TMEFF2: variants seen among roughly 807,000 people sequenced by gnomAD.
TMEFF2 encodes the protein transmembrane protein with EGF like and two follistatin like domains 2.
Under a neutral mutation model 53.8 loss-of-function variants are expected in TMEFF2, and 28 were observed. That is an observed-to-expected ratio of 0.52 (90% CI 0.39 to 0.71). The LOEUF (loss-of-function observed/expected upper bound fraction) is 0.71. Among genes scored for constraint, TMEFF2 ranks in the 30% least tolerant of loss-of-function variants. The pLI is 0.00. For synonymous variants in TMEFF2, 162 were observed against 166.3 expected (o/e 0.97, Z 0.20); for missense variants, 353 against 455.2 (o/e 0.78, Z 2.04).
intron 4 of TMEFF2, among the ~76,000 whole-genome samples, chr2:192,068,141 C>T (rs1574343612): frequency 6.6e-6 from 1 of 151,890 alleles, no homozygotes; most frequent in South Asian, 2.1e-4. Flanking sequence ...CTGCCCTGCT[C>T]AGCTCACAGG....
intron 7 of TMEFF2, among the ~76,000 whole-genome samples, chr2:191,977,384 G>C (rs1157106096): frequency 6.6e-6 from 1 of 152,232 alleles, no homozygotes; most frequent in Non-Finnish European, 1.5e-5. Context: ...TGCCAGGCTT[G>C]TTTTAGCCTC....
At chr2:192,117,297 A>G (rs568482178) in intron 4 of TMEFF2, among the ~76,000 whole-genome samples, 1 of 152,310 alleles carries the variant, frequency 6.6e-6, no homozygotes, top group Non-Finnish European at 1.5e-5. Context: ...AATGATAAGT[A>G]GACTTAAAAT....
intron 4 of TMEFF2, among the ~76,000 whole-genome samples, chr2:192,156,263 C>CA (rs1690504619): frequency 2.6e-5 from 4 of 152,020 alleles, no homozygotes; most frequent in Admixed American, 2.6e-4. Context: ...CAACAGGTAA[C>CA]ATTTCATGAA....
chr2:192,175,275 T>G (rs188730326), intron 4 of TMEFF2, among the ~76,000 whole-genome samples: 226 of 151,800 alleles, frequency 1.5e-3, no homozygotes, highest in African/African-American at 5.1e-3. Context: ...CTTAAAATAT[T>G]TTTGCCAGTT....
At chr2:192,105,312 T>C (rs994048143) in intron 4 of TMEFF2, among the ~76,000 whole-genome samples, 1 of 151,892 alleles carries the variant, frequency 6.6e-6, no homozygotes, top group African/African-American at 2.4e-5. Flanking sequence ...CTACAATAAA[T>C]AAAACCACCT....
rs1274920112 is a variant in TMEFF2 at position 191,963,129 on chromosome 2, G to A, written c.746-6751C>T. Among the ~76,000 whole-genome samples, 4 of 152,126 alleles carry A rather than the reference G, an allele frequency of 2.6e-5. 1 individual carries two copies. Among genetic ancestry groups the A allele is most frequent in the African/African-American group, 9.7e-5 (4 of 41,424 alleles). ...AGCTGGAGTTGCCTTAAGCTTATCT[G>A]GGGCAATTTGTTGCAGCTCTCCCCA... On this transcript the variant is annotated intron_variant, in intron 7 of 9. Coordinates refer to ENST00000272771, the MANE Select transcript of TMEFF2 (RefSeq NM_016192.4).
intron 4 of TMEFF2, chr2:192,179,024 C>T (rs1005047605): frequency 6.2e-5 from 5 of 80,658 alleles, no homozygotes; most frequent in African/African-American, 1.8e-4. Flanking sequence ...TTAGATCAAA[C>T]TTTTAAAGTT....
intron 5 of TMEFF2, among the ~76,000 whole-genome samples, chr2:192,001,413 T>G (rs983086581): frequency 1.6e-4 from 24 of 152,130 alleles, no homozygotes; most frequent in African/African-American, 5.3e-4. Flanking sequence ...ATTATATATA[T>G]ATACAGTGTA....
chr2:192,047,042 T>C (rs1687640475), intron 5 of TMEFF2, among the ~76,000 whole-genome samples: 1 of 152,088 alleles, frequency 6.6e-6, no homozygotes, highest in African/African-American at 2.4e-5. Flanking sequence ...TGCTTTAGCC[T>C]CCCAAGTAGC....
At chr2:192,059,871 G>A (rs889243919) in intron 4 of TMEFF2, among the ~76,000 whole-genome samples, 2 of 152,124 alleles carry the variant, frequency 1.3e-5, no homozygotes, top group Non-Finnish European at 2.9e-5. Flanking sequence ...TTTCTATGAA[G>A]TCACCCACAA....
chr2:192,096,728 G>C (rs1456663583), intron 4 of TMEFF2, among the ~76,000 whole-genome samples: 1 of 123,264 alleles, frequency 8.1e-6, no homozygotes. Flanking sequence ...CCAGGCTGGA[G>C]TGCAGTGGTA....
intron 4 of TMEFF2, among the ~76,000 whole-genome samples, chr2:192,072,098 C>T (rs1669250660): frequency 6.6e-6 from 1 of 151,774 alleles, no homozygotes; most frequent in Non-Finnish European, 1.5e-5. Context: ...TAGCCTTATA[C>T]GAGAGGTGAG....
intron 4 of TMEFF2, among the ~76,000 whole-genome samples, chr2:192,115,212 A>T (rs572915353): frequency 6.6e-6 from 1 of 152,208 alleles, no homozygotes; most frequent in Non-Finnish European, 1.5e-5. Context: ...TAATCAAAAC[A>T]ACATGGTAGT....
chr2:192,061,119 T>C (rs994516287), intron 4 of TMEFF2, among the ~76,000 whole-genome samples: 4 of 152,208 alleles, frequency 2.6e-5, no homozygotes, highest in African/African-American at 9.6e-5. Flanking sequence ...TACATGATGA[T>C]GTGCCTGCTG....
At chr2:192,123,272 T>G (rs950321337) in intron 4 of TMEFF2, among the ~76,000 whole-genome samples, 4 of 152,184 alleles carry the variant, frequency 2.6e-5, no homozygotes, top group African/African-American at 9.6e-5. Context: ...AGTTATCTTG[T>G]GCTGTACTTC....
intron 4 of TMEFF2, among the ~76,000 whole-genome samples, chr2:192,061,951 G>A (rs908572457): frequency 6.6e-6 from 1 of 152,140 alleles, no homozygotes; most frequent in African/African-American, 2.4e-5. Context: ...GGAAGCAGAT[G>A]CCGGCACCAT....
chr2:192,081,865 G>C (rs150306611), intron 4 of TMEFF2, among the ~76,000 whole-genome samples: 4 of 147,982 alleles, frequency 2.7e-5, no homozygotes, highest in Non-Finnish European at 5.9e-5. Flanking sequence ...GCAGTGGCGC[G>C]ATCTCGGCTC....
chr2:192,091,664 G>A (rs771213634), intron 4 of TMEFF2, among the ~76,000 whole-genome samples: 2 of 151,532 alleles, frequency 1.3e-5, no homozygotes, highest in Non-Finnish European at 2.9e-5. Context: ...GTTTTATTAC[G>A]TCACTTTATG....
In TMEFF2 at chr2:191,984,982, T is replaced by G. The variant is rs552476853; in HGVS notation, c.745+13280A>C. Among the ~76,000 whole-genome samples the G allele has an allele frequency of 1.7e-4, 26 of 152,234 alleles. 1 individual carries two copies. In the South Asian group the frequency reaches 4.6e-3, roughly 27 times the overall value. On this transcript the variant is annotated intron_variant, in intron 7 of 9. Transcript: ENST00000272771. ...AAATGGGAAAATAAAAATGTAGAAT[T>G]TAAAAATCTTCAGTCTGAATTTTGT...
Sources: allele counts gnomAD v4.1 joint callset (sites outside exome capture counted in the v4.1 genomes callset), GRCh38; gene constraint gnomAD v4.1.1; transcripts MANE v1.5; gene names NCBI Gene and HGNC (gene_info 2026-07-23, HGNC 2026-07-21).